The following FARP1 variants were observed in gnomAD, a reference collection of about 807,000 sequenced individuals.
FARP1 encodes FERM, ARH/RhoGEF and pleckstrin domain protein 1, also known as FERM, ARHGEF and pleckstrin domain-containing protein 1.
FARP1 carries 52 observed loss-of-function variants against 128.8 expected under a neutral mutation model. The observed-to-expected ratio is 0.40, with a 90% CI of 0.32 to 0.51. The LOEUF (loss-of-function observed/expected upper bound fraction) is 0.51, where lower values mean the gene tolerates loss of function less well. Among genes scored for constraint, FARP1 ranks in the 20% least tolerant of loss-of-function variants. FARP1 has a pLI of 0.45. For missense variants in FARP1, 1,333 were observed against 1,367.9 expected, an observed-to-expected ratio of 0.97 and a Z score of 0.40; for synonymous variants, 580 against 551.8, an observed-to-expected ratio of 1.05 and a Z score of -0.72.
chr13:98,245,450 C>A, intron 2 of FARP1: 1 of 527,586 alleles, frequency 1.9e-6, no homozygotes, highest in Non-Finnish European at 2.4e-6. Flanking sequence ...CTAAGTAATA[C>A]GAAGTGAGTA....
At chr13:98,266,382 C>T (rs960349955) in intron 2 of FARP1, among the ~76,000 whole-genome samples, 1 of 152,150 alleles carries the variant, frequency 6.6e-6, no homozygotes, top group African/African-American at 2.4e-5. Flanking sequence ...GCTCTCTGGG[C>T]CTCTGTCCTG....
At chr13:98,146,893 AGAGTTTATTC>A (rs374901387) in intron 1 of FARP1, among the ~76,000 whole-genome samples, 45 of 152,158 alleles carry the variant, frequency 3.0e-4, no homozygotes, top group African/African-American at 8.7e-4. Flanking sequence ...TTTTAGTGTC[AGAGTTTATTC>A]TGTGGTGGTA....
chr13:98,278,810 T>C (rs1484672250), intron 2 of FARP1, among the ~76,000 whole-genome samples: 6 of 128,822 alleles, frequency 4.7e-5, no homozygotes, highest in Non-Finnish European at 6.3e-5. Context: ...GTTTTTCTTA[T>C]CATTTTAATG....
chr13:98,340,164 T>C (rs1467686354), intron 2 of FARP1, among the ~76,000 whole-genome samples: 1 of 152,142 alleles, frequency 6.6e-6, no homozygotes, highest in East Asian at 1.9e-4. Flanking sequence ...GATGAAGTTA[T>C]CAAATTCCCT....
intron 2 of FARP1, among the ~76,000 whole-genome samples, chr13:98,307,306 G>A (rs536741004): frequency 2.2e-4 from 34 of 152,302 alleles, no homozygotes; most frequent in African/African-American, 7.7e-4. Context: ...ATGTATTGGA[G>A]GTTGAATTCT....
At chr13:98,328,060 T>C (rs1887310577) in intron 2 of FARP1, 1 of 152,162 alleles carries the variant, frequency 6.6e-6, no homozygotes, top group African/African-American at 2.4e-5. Context: ...GACTCTAATG[T>C]GTTAAGCTGA....
intron 2 of FARP1, among the ~76,000 whole-genome samples, chr13:98,343,099 G>A (rs945827309): frequency 2.0e-5 from 3 of 152,124 alleles, no homozygotes; most frequent in African/African-American, 4.8e-5. Context: ...CAAAGGCTAC[G>A]TACTGTATGA....
At chr13:98,275,650 T>A (rs1223569911) in intron 2 of FARP1, among the ~76,000 whole-genome samples, 2 of 145,430 alleles carry the variant, frequency 1.4e-5, no homozygotes, top group African/African-American at 5.1e-5. Context: ...TTTTTTTGCA[T>A]CTCTGAAAGA....
chr13:98,234,473 A>C (rs1882308241), intron 2 of FARP1: 1 of 152,230 alleles, frequency 6.6e-6, no homozygotes, highest in Non-Finnish European at 1.5e-5. Flanking sequence ...AAATGCTCAA[A>C]GAACATATTG....
chr13:98,156,971 A>C (rs576931273), intron 1 of FARP1, among the ~76,000 whole-genome samples: 2 of 152,314 alleles, frequency 1.3e-5, no homozygotes, highest in East Asian at 3.9e-4. Context: ...CCCCCAAATA[A>C]GAAATACCTA....
At chr13:98,170,085 T>C (rs1009876474) in intron 1 of FARP1, among the ~76,000 whole-genome samples, 5 of 152,302 alleles carry the variant, frequency 3.3e-5, no homozygotes, top group East Asian at 1.9e-4. Flanking sequence ...CTATTGGCCT[T>C]TTTTCCATAG....
chr13:98,236,249 A>C lies in FARP1; in HGVS notation c.171+22836A>C, dbSNP rs192362223. Among the ~76,000 whole-genome samples the C allele has an allele frequency of 1.8e-3, 274 of 152,314 alleles. 2 individuals carry two copies. Among genetic ancestry groups the C allele is most frequent in the Middle Eastern group, 6.8e-3 (2 of 294 alleles). Reference sequence around the variant, plus strand: ...AAACCTTGATTTGTAGCCGGGAAAAAGTGATTTTGTGAAGATATGGAGCTC... The same window carrying C: ...AAACCTTGATTTGTAGCCGGGAAAACGTGATTTTGTGAAGATATGGAGCTC... On this transcript the variant is annotated intron_variant, in intron 2 of 26. Transcript: ENST00000319562.
At chr13:98,417,644 G>A (rs1001710655) in intron 16 of FARP1, among the ~76,000 whole-genome samples, 9 of 152,046 alleles carry the variant, frequency 5.9e-5, no homozygotes, top group Non-Finnish European at 1.5e-5. Context: ...GGTGTCCTGA[G>A]GGATTGGAGA....
chr13:98,148,941 C>T (rs60912695), intron 1 of FARP1, among the ~76,000 whole-genome samples: 13,628 of 151,638 alleles, frequency 0.09, 778 homozygotes, highest in African/African-American at 0.15. Context: ...GGCTGGAGTG[C>T]GGTGGCATGA....
chr13:98,313,659 G>A (rs1886589971), intron 2 of FARP1, among the ~76,000 whole-genome samples: 1 of 152,206 alleles, frequency 6.6e-6, no homozygotes, highest in South Asian at 2.1e-4. Flanking sequence ...TGATAGCTAA[G>A]GCTCCCCTCG....
In FARP1 at chr13:98,176,166, T is replaced by C. The variant is rs1271838373; in HGVS notation, c.-24+32674T>C. 4 of 1,609,532 alleles carry C rather than the reference T, an allele frequency of 2.5e-6. No homozygotes were observed. Among genetic ancestry groups the C allele is most frequent in the South Asian group, 1.1e-5 (1 of 90,714 alleles). On this transcript the variant is annotated intron_variant, in intron 1 of 26. Coordinates refer to ENST00000319562, the MANE Select transcript of FARP1 (RefSeq NM_005766.4). This position sits in a 1 kb window ranked among gnomAD's most constrained non-coding sequence, Gnocchi z 6.2. Reference sequence around the variant, plus strand: ...TACATACAGACTTGAGTCTTTCTTATCTCTTTTTTCCTAAAAGAACAAAAA... The same window carrying C: ...TACATACAGACTTGAGTCTTTCTTACCTCTTTTTTCCTAAAAGAACAAAAA...
At chr13:98,411,788 A>G in intron 15 of FARP1, 113 bp from the exon 16 acceptor site, 1 of 1,146,924 alleles carries the variant, frequency 8.7e-7, no homozygotes, top group Non-Finnish European at 1.3e-6. Context: ...AGAACCTCGC[A>G]GGAAAGCCCT....
intron 2 of FARP1, among the ~76,000 whole-genome samples, chr13:98,309,664 G>A (rs146591504): frequency 6.6e-6 from 1 of 152,284 alleles, no homozygotes; most frequent in Non-Finnish European, 1.5e-5. Context: ...ACGAAAGGAG[G>A]GAGGAGTTGC....
chr13:98,289,441 T>G lies in FARP1; in HGVS notation c.172-54321T>G, dbSNP rs569328066. 1.7e-3 allele frequency among the ~76,000 whole-genome samples: 257 copies of G among 152,326 alleles called. 2 individuals are homozygous for G. The highest frequency in any genetic ancestry group is 2.9e-3 in the Non-Finnish European group (200 of 68,024). ...TACTTAATGCTTTAAAAAATGCATCTATTTCCAATGATAGATGAAAAGCAT... is the reference window on the plus strand; with the variant it reads ...TACTTAATGCTTTAAAAAATGCATCGATTTCCAATGATAGATGAAAAGCAT... On this transcript the variant is annotated intron_variant, in intron 2 of 26. Transcript: ENST00000319562.
Sources: gnomAD v4.1 joint callset for allele counts (sites outside exome capture counted in the v4.1 genomes callset) on GRCh38, gnomAD v4.1.1 for gene constraint, Gnocchi (gnomAD v3.1) non-coding constraint, MANE v1.5 for transcripts, NCBI Gene and HGNC (gene_info 2026-07-23, HGNC 2026-07-21) for gene names.